SYN3: variants seen among roughly 807,000 people sequenced by gnomAD.
The protein encoded by SYN3 is synapsin-3.
SYN3 carries 35 observed loss-of-function variants against 65.8 expected under a neutral mutation model. The ratio of observed to expected loss-of-function variants is 0.53; its 90% CI spans 0.41 to 0.70. The LOEUF (loss-of-function observed/expected upper bound fraction) is 0.70. SYN3 is among the 30% of genes least tolerant of loss of function. The pLI is 0.00. For missense variants in SYN3, 680 were observed against 749.0 expected, an observed-to-expected ratio of 0.91 and a Z score of 1.08; for synonymous variants, 270 against 292.9, an observed-to-expected ratio of 0.92 and a Z score of 0.80.
Position 32,930,121 on chromosome 22 carries a change from C to T in SYN3, c.461+1269G>A, listed in dbSNP as rs1185452650. ...AGAATGGCTGAATTAGTTGAATTAT[C>T]ATAATTTACCAAATGATATGGTTTG... On this transcript the variant is annotated intron_variant, in intron 4 of 13. Transcript: ENST00000358763. 2.0e-5 allele frequency among the ~76,000 whole-genome samples: 3 copies of T among 152,174 alleles called. No individual in the cohort carries two copies. The East Asian group carries it at 5.8e-4, about 29-fold the overall frequency.
At chr22:32,617,406 G>T (rs1311287735) in intron 6 of SYN3, among the ~76,000 whole-genome samples, 6 of 152,058 alleles carry the variant, frequency 3.9e-5, no homozygotes, top group Non-Finnish European at 8.8e-5. Context: ...ATGGGAATAC[G>T]GAGGCGCCTC....
chr22:32,820,764 ACT>A (rs1050636531), intron 6 of SYN3, among the ~76,000 whole-genome samples: 1 of 152,174 alleles, frequency 6.6e-6, no homozygotes, highest in Non-Finnish European at 1.5e-5. Flanking sequence ...ACAGAAGCTT[ACT>A]CATACCTATT....
intron 6 of SYN3, among the ~76,000 whole-genome samples, chr22:32,605,001 A>G (rs1416105093): frequency 1.6e-4 from 19 of 119,984 alleles, no homozygotes; most frequent in African/African-American, 2.8e-4. Context: ...GCGAGACTCC[A>G]TCTCAGAAAA....
At chr22:32,577,084 A>G (rs13347218) in intron 7 of SYN3, among the ~76,000 whole-genome samples, 30,661 of 152,026 alleles carry the variant, frequency 0.2, 3,303 homozygotes, top group Middle Eastern at 0.28. Flanking sequence ...GCCTTACTCC[A>G]GTCAATCACA....
At chr22:32,656,834 C>G (rs896239189) in intron 6 of SYN3, among the ~76,000 whole-genome samples, 5 of 152,126 alleles carry the variant, frequency 3.3e-5, no homozygotes, top group African/African-American at 1.2e-4. Flanking sequence ...CCAGAGACAA[C>G]AAAGAAGAAA....
intron 6 of SYN3, among the ~76,000 whole-genome samples, chr22:32,820,098 G>C (rs1490886030): frequency 6.6e-6 from 1 of 152,106 alleles, no homozygotes; most frequent in Non-Finnish European, 1.5e-5. Flanking sequence ...TGAAGGTGGA[G>C]TGTAGGTGTC....
intron 6 of SYN3, among the ~76,000 whole-genome samples, chr22:32,713,976 C>T (rs1034471034): frequency 1.3e-5 from 2 of 152,082 alleles, no homozygotes; most frequent in South Asian, 2.1e-4. Context: ...TGTGTGACTA[C>T]GAAGGAGGGA....
intron 6 of SYN3, among the ~76,000 whole-genome samples, chr22:32,673,522 C>T (rs1601887657): frequency 1.3e-5 from 2 of 152,198 alleles, no homozygotes; most frequent in South Asian, 4.1e-4. Context: ...GGAAGGCAGA[C>T]AAGCCAACAG....
At chr22:32,757,136 C>T (rs1217993170) in intron 6 of SYN3, among the ~76,000 whole-genome samples, 1 of 151,886 alleles carries the variant, frequency 6.6e-6, no homozygotes, top group Admixed American at 6.6e-5. Flanking sequence ...GATCCACTAG[C>T]ATGATTTTTG....
At chr22:32,889,222 A>C (rs995087214) in intron 4 of SYN3, among the ~76,000 whole-genome samples, 5 of 151,934 alleles carry the variant, frequency 3.3e-5, no homozygotes, top group Non-Finnish European at 7.4e-5. Flanking sequence ...TCTATCAGGA[A>C]GGCTAAAATT....
In SYN3 at chr22:32,546,898, C is replaced by T. The variant is rs143414985; in HGVS notation, c.775-5185G>A. On this transcript the variant is annotated intron_variant, in intron 7 of 13. Transcript: ENST00000358763. ...CTCCTTCTCTCTCTCCTTTCTCTTG[C>T]GTCCTTGCCTTCTCACTCTCTCCTC... 1.6e-4 allele frequency among the ~76,000 whole-genome samples: 24 copies of T among 151,528 alleles called. No individual in the cohort carries two copies. In the East Asian group the frequency reaches 2.5e-3, roughly 16 times the overall value.
intron 4 of SYN3, among the ~76,000 whole-genome samples, chr22:32,910,819 A>C (rs2050033871): frequency 6.6e-6 from 1 of 152,198 alleles, no homozygotes; most frequent in Admixed American, 6.5e-5. Flanking sequence ...GTACATAGTA[A>C]ACAATTGATG....
intron 7 of SYN3, among the ~76,000 whole-genome samples, chr22:32,587,331 G>A (rs907691408): frequency 1.3e-5 from 2 of 150,748 alleles, no homozygotes; most frequent in Non-Finnish European, 3.0e-5. Context: ...AGGGAGGTGG[G>A]ATTGAGAGGG....
At chr22:32,806,857 A>G (rs905034764) in intron 6 of SYN3, among the ~76,000 whole-genome samples, 1 of 152,094 alleles carries the variant, frequency 6.6e-6, no homozygotes, top group African/African-American at 2.4e-5. Context: ...TTCTAACTCT[A>G]GTCCCTTCTC....
At chr22:32,591,277 G>A (rs1383524854) in intron 7 of SYN3, among the ~76,000 whole-genome samples, 2 of 151,990 alleles carry the variant, frequency 1.3e-5, no homozygotes, top group Non-Finnish European at 2.9e-5. Flanking sequence ...GAATAATAAG[G>A]CAAACATGTC....
chr22:32,756,659 C>T (rs900934475), intron 6 of SYN3, among the ~76,000 whole-genome samples: 12 of 152,126 alleles, frequency 7.9e-5, no homozygotes, highest in Non-Finnish European at 1.0e-4. Flanking sequence ...AATTCTCTCT[C>T]GTGAGATCTG....
At chr22:33,046,672 C>G (rs1274772759) in intron 1 of SYN3, among the ~76,000 whole-genome samples, 3 of 151,932 alleles carry the variant, frequency 2.0e-5, no homozygotes, top group Non-Finnish European at 4.4e-5. Flanking sequence ...AAAACCCTGT[C>G]TTTACTAAAA....
At chr22:32,793,949 C>T (rs2046374540) in intron 6 of SYN3, among the ~76,000 whole-genome samples, 1 of 152,134 alleles carries the variant, frequency 6.6e-6, no homozygotes, top group Non-Finnish European at 1.5e-5. Context: ...AATGTAGAAG[C>T]CAAATGAATT....
At chr22:32,756,133 T>C (rs1052559716) in intron 6 of SYN3, among the ~76,000 whole-genome samples, 4 of 151,974 alleles carry the variant, frequency 2.6e-5, no homozygotes, top group African/African-American at 9.7e-5. Flanking sequence ...GACAGGTTGA[T>C]GGGTGCAGCA....
Sources: gnomAD v4.1 joint callset for allele counts (sites outside exome capture counted in the v4.1 genomes callset) on GRCh38, gnomAD v4.1.1 for gene constraint, MANE v1.5 for transcripts, NCBI Gene and HGNC (gene_info 2026-07-23, HGNC 2026-07-21) for gene names.